The following MAF variants were observed in gnomAD, a reference collection of about 807,000 sequenced individuals.
MAF encodes MAF bZIP transcription factor, also known as transcription factor Maf.
Under a neutral mutation model 22.0 loss-of-function variants are expected in MAF, and 10 were observed. The ratio of observed to expected loss-of-function variants is 0.45; its 90% CI spans 0.28 to 0.77. The LOEUF (loss-of-function observed/expected upper bound fraction) is 0.77. Ranked by LOEUF, MAF falls within the 30% of genes least tolerant of loss-of-function variation. The pLI, the probability that MAF is intolerant of heterozygous loss-of-function variation, is 0.12. For synonymous variants in MAF, 337 were observed against 255.8 expected (o/e 1.32, Z -3.03); for missense variants, 544 against 548.4 (o/e 0.99, Z 0.08).
the MAF span, among the ~76,000 whole-genome samples, chr16:79,343,751 A>G: frequency 1.3e-5 from 2 of 152,330 alleles, no homozygotes; most frequent in South Asian, 2.1e-4. Context: ...TCTTCCTGCT[A>G]CAAACAGGAT....
chr16:79,443,528 C>T, the MAF span, among the ~76,000 whole-genome samples: 367 of 152,242 alleles, frequency 2.4e-3, 2 homozygotes, highest in African/African-American at 8.1e-3. Flanking sequence ...GGAGAATATG[C>T]CTTATGAGGG....
At chr16:79,550,983 C>T in the MAF span, among the ~76,000 whole-genome samples, 9,772 of 152,182 alleles carry the variant, frequency 0.064, 354 homozygotes, top group Non-Finnish European at 0.086. Context: ...TGGAGGCCCC[C>T]GTGGCCTCAC....
At chr16:79,324,839 C>T in the MAF span, among the ~76,000 whole-genome samples, 1 of 152,150 alleles carries the variant, frequency 6.6e-6, no homozygotes, top group East Asian at 1.9e-4. Flanking sequence ...TCTTACAGTT[C>T]TGGAGGCCAG....
At chr16:79,419,317 C>G in the MAF span, among the ~76,000 whole-genome samples, 1 of 152,168 alleles carries the variant, frequency 6.6e-6, no homozygotes, top group African/African-American at 2.4e-5. Context: ...AAGGCTTCAG[C>G]CTTTGGTGTC....
chr16:79,313,838 G>A, the MAF span, among the ~76,000 whole-genome samples: 1 of 152,118 alleles, frequency 6.6e-6, no homozygotes, highest in Non-Finnish European at 1.5e-5. Context: ...GGATAGAGGT[G>A]TAAGTCTCAG....
chr16:79,389,648 C>T, the MAF span, among the ~76,000 whole-genome samples: 13 of 152,160 alleles, frequency 8.5e-5, no homozygotes, highest in Admixed American at 5.9e-4. Context: ...AACAGGATGG[C>T]CCTTCCCATA....
At chr16:79,265,311 C>T in the MAF span, among the ~76,000 whole-genome samples, 2 of 152,102 alleles carry the variant, frequency 1.3e-5, no homozygotes, top group African/African-American at 2.4e-5. Flanking sequence ...GCACATAAAT[C>T]AGCCCTCTCT....
At chr16:79,541,032 A>G in the MAF span, among the ~76,000 whole-genome samples, 1 of 152,086 alleles carries the variant, frequency 6.6e-6, no homozygotes, top group East Asian at 1.9e-4. Flanking sequence ...TACTACGGTT[A>G]CTACTGCTGT....
At chr16:79,569,796 A>G in the MAF span, among the ~76,000 whole-genome samples, 93,723 of 152,022 alleles carry the variant, frequency 0.62, 29,751 homozygotes, top group Non-Finnish European at 0.67. Flanking sequence ...GATTTTCACA[A>G]GTGACCAATG....
chr16:79,549,788 C>G, the MAF span, among the ~76,000 whole-genome samples: 4 of 152,278 alleles, frequency 2.6e-5, no homozygotes, highest in South Asian at 8.3e-4. Context: ...GAGTTAAAGA[C>G]CATCACCCTA....
the MAF span, among the ~76,000 whole-genome samples, chr16:79,504,872 A>G: frequency 6.6e-6 from 1 of 152,186 alleles, no homozygotes; most frequent in Non-Finnish European, 1.5e-5. Context: ...ACTTGTATGA[A>G]TGCCTTGTAC....
At chr16:79,436,278 T>C in the MAF span, among the ~76,000 whole-genome samples, 3 of 152,278 alleles carry the variant, frequency 2.0e-5, no homozygotes, top group Admixed American at 2.0e-4. Flanking sequence ...GGATGAGGTT[T>C]TGCCATGTTG....
chr16:79,400,974 T>C, the MAF span, among the ~76,000 whole-genome samples: 134 of 152,292 alleles, frequency 8.8e-4, 4 homozygotes, highest in East Asian at 0.024. Flanking sequence ...GGCTCACACA[T>C]ACACAGGCGT....
chr16:79,581,074 A>G (rs1567553823), downstream of MAF, among the ~76,000 whole-genome samples: 2 of 152,228 alleles, frequency 1.3e-5, no homozygotes, highest in Admixed American at 6.5e-5. Flanking sequence ...CACGCCTTCT[A>G]AAATGCAGTG....
chr16:79,565,507 G>C, the MAF span, among the ~76,000 whole-genome samples: 38 of 79,936 alleles, frequency 4.8e-4, no homozygotes, highest in East Asian at 7.6e-3. Flanking sequence ...CACGTGTTGT[G>C]GGGGGGGGGA....
the MAF span, among the ~76,000 whole-genome samples, chr16:79,328,927 G>A: frequency 0.17 from 26,349 of 152,092 alleles, 2,412 homozygotes; most frequent in Non-Finnish European, 0.2. Flanking sequence ...ATAACTGGGT[G>A]CAGAATCTGG....
chr16:79,212,243 G>T, the MAF span: 1 of 1,339,436 alleles, frequency 7.5e-7, no homozygotes, highest in South Asian at 1.6e-5. Flanking sequence ...TTGCTGCATT[G>T]ATCCAGGAGA....
At chr16:79,241,002 CAA>C in the MAF span, among the ~76,000 whole-genome samples, 1 of 152,038 alleles carries the variant, frequency 6.6e-6, no homozygotes, top group Non-Finnish European at 1.5e-5. Context: ...TCAACATCAA[CAA>C]AAAGACATCC....
chr16:79,452,029 T>A, the MAF span, among the ~76,000 whole-genome samples: 1 of 152,234 alleles, frequency 6.6e-6, no homozygotes, highest in East Asian at 1.9e-4. Context: ...CCTCGCCTAT[T>A]TCTGTAAATA....
Sources: allele counts gnomAD v4.1 joint callset (sites outside exome capture counted in the v4.1 genomes callset), GRCh38; gene constraint gnomAD v4.1.1; transcripts MANE v1.5; gene names NCBI Gene and HGNC (gene_info 2026-07-23, HGNC 2026-07-21).